Variants in ANKRD28 observed in about 807,000 individuals in gnomAD.
ANKRD28 encodes ankyrin repeat domain 28, also known as serine/threonine-protein phosphatase 6 regulatory ankyrin repeat subunit A.
In ANKRD28, 44 loss-of-function variants were observed where a neutral mutation model predicts 126.5. The observed-to-expected ratio is 0.35, with a 90% CI of 0.27 to 0.45. ANKRD28 has a LOEUF of 0.45. Among genes scored for constraint, ANKRD28 ranks in the 20% least tolerant of loss-of-function variants. The pLI is 1.00. For synonymous variants in ANKRD28, 442 were observed against 468.5 expected (o/e 0.94, Z 0.73); for missense variants, 1,110 against 1,316.6 (o/e 0.84, Z 2.43).
At position 15,670,427 on chromosome 3, in the gene ANKRD28, C is replaced by A; in HGVS notation, c.3095G>T (p.Arg1032Leu). 1 of 1,613,854 alleles carries A rather than the reference C, an allele frequency of 6.2e-7. No individual in the cohort carries two copies. The highest frequency in any genetic ancestry group is 8.5e-7 in the Non-Finnish European group (1 of 1,179,852). The change falls in exon 28 of 28, where the codon CGT becomes CTT. Residue 1032 changes from arginine (R) to leucine (L), a missense_variant. Coordinates refer to ENST00000683139, the MANE Select transcript of ANKRD28 (RefSeq NM_001349278.2). Reference sequence around the variant, plus strand: ...GACTGTTTTTGAGGTGTTGGTATAACGGTTAATGGCATTGAATGTTAAGGA... The same window carrying A: ...GACTGTTTTTGAGGTGTTGGTATAAAGGTTAATGGCATTGAATGTTAAGGA... ...LSSLTFNAIN[R>L]YTNTSKTVSF... is the part of the protein sequence containing the mutation.
At chr3:15,675,459 A>C (rs1202858359) in intron 27 of ANKRD28, among the ~76,000 whole-genome samples, 1 of 152,204 alleles carries the variant, frequency 6.6e-6, no homozygotes, top group Non-Finnish European at 1.5e-5. Context: ...GGAATAATAC[A>C]GGAAGAGAGC....
At chr3:15,686,980 G>A (rs1381188837) in intron 18 of ANKRD28, among the ~76,000 whole-genome samples, 3 of 147,794 alleles carry the variant, frequency 2.0e-5, no homozygotes, top group Admixed American at 6.8e-5. Context: ...ATCTCGCTCT[G>A]TCGCCCAGGC....
Position 15,711,265 on chromosome 3 carries a change from A to C in ANKRD28, c.1283T>G (p.Ile428Arg), listed in dbSNP as rs758225642. 4 of 1,611,320 alleles carry C rather than the reference A, an allele frequency of 2.5e-6. No individual in the cohort carries two copies. The highest frequency in any genetic ancestry group is 3.4e-6 in the Non-Finnish European group (4 of 1,177,870). ...CRKLLSSGFD[I>R]DTPDDFGRTC... ...CCTGCCAAAATCATCTGGGGTATCT[A>C]TATCAAATCCTACAAGAATGAATAC... The change falls in exon 12 of 28, where the codon ATA becomes AGA. Residue 428 changes from isoleucine to arginine, a missense_variant. Physicochemically the swap from Ile to Arg is moderately conservative, Grantham distance 97 (BLOSUM62 -3). Coordinates refer to ENST00000683139, the MANE Select transcript of ANKRD28 (RefSeq NM_001349278.2).
At chr3:15,677,744 T>A (rs2067093572) in intron 24 of ANKRD28, 182 bp from the exon 25 acceptor site, 3 of 462,948 alleles carry the variant, frequency 6.5e-6, no homozygotes, top group Middle Eastern at 5.7e-4. Context: ...GACAATTATA[T>A]TGTTGTATAA....
chr3:15,748,012 C>T (rs575498966), intron 4 of ANKRD28, among the ~76,000 whole-genome samples: 15 of 152,216 alleles, frequency 9.9e-5, no homozygotes, highest in African/African-American at 3.6e-4. Context: ...AAATAGTGAT[C>T]CCTGCTCACA....
rs781514826 is a variant in ANKRD28, at chr3:15,679,477, C to T, written c.2476G>A (p.Val826Met). The change falls in exon 22 of 28, where the codon GTG becomes ATG. Residue 826 changes from valine (V) to methionine (M), a missense_variant and splice_region_variant. By Grantham distance (21) the Val-to-Met change is conservative (BLOSUM62 1). Transcript: ENST00000683139. Reference sequence around the variant, plus strand: ...CTGATTCATTCTGGCTTTACTTACACGGCACAATGCAATGGACTAAAAGCA... The same window carrying T: ...CTGATTCATTCTGGCTTTACTTACATGGCACAATGCAATGGACTAAAAGCA... ...GNAFSPLHCA[V>M]INDNEGAAEM... The T allele has an allele frequency of 1.2e-5, 19 of 1,613,724 alleles. No individual in the cohort carries two copies. Among genetic ancestry groups the T allele is most frequent in the Middle Eastern group, 1.6e-4 (1 of 6,082 alleles).
intron 1 of ANKRD28, among the ~76,000 whole-genome samples, chr3:15,851,027 C>A (rs913461185): frequency 1.3e-5 from 2 of 152,242 alleles, no homozygotes; most frequent in Non-Finnish European, 2.9e-5. Flanking sequence ...TGCTGAAGAA[C>A]TGGTTGCTTC....
chr3:15,723,459 A>T lies in ANKRD28; in HGVS notation c.783+923T>A, dbSNP rs547173103. On this transcript the variant is annotated intron_variant, in intron 7 of 27. Transcript: ENST00000683139. Reference sequence around the variant, plus strand: ...TTCTTCAAAATGTGTGTTTTGAAGAATCAGTGACTTTGTCAGAACTCTCCC... The same window carrying T: ...TTCTTCAAAATGTGTGTTTTGAAGATTCAGTGACTTTGTCAGAACTCTCCC... Among the ~76,000 whole-genome samples, 6 of 152,354 alleles carry T rather than the reference A, an allele frequency of 3.9e-5. No homozygotes were observed. In the East Asian group the frequency reaches 1.2e-3, roughly 29 times the overall value.
chr3:15,858,279 A>G (rs2061818484), intron 1 of ANKRD28, among the ~76,000 whole-genome samples: 2 of 152,234 alleles, frequency 1.3e-5, no homozygotes, highest in South Asian at 4.1e-4. Flanking sequence ...ACTAAACCGT[A>G]GTTTTTCAAA....
chr3:15,857,317 C>T (rs1025481428), intron 1 of ANKRD28, among the ~76,000 whole-genome samples: 2 of 152,184 alleles, frequency 1.3e-5, no homozygotes, highest in African/African-American at 4.8e-5. Context: ...TGGAGTCTCG[C>T]TCTGTCGCCC....
rs1553650167 is a variant in ANKRD28, at chr3:15,850,259, A to AGAGG, written c.27+9117_27+9118insCCTC. 1.3e-3 allele frequency among the ~76,000 whole-genome samples: 147 copies of AGAGG among 115,774 alleles called. 1 individual carries two copies. The highest frequency in any genetic ancestry group is 1.4e-3 in the Non-Finnish European group (81 of 57,608). 76.0% of individuals were successfully genotyped at this position (115,774 alleles called of 152,430 possible). ...GAGAGAGAGAGAGAGAGAGAGAGAGAGAGAAAGTTGAAATCCTACCTCATA... is the reference window on the plus strand; with the variant it reads ...GAGAGAGAGAGAGAGAGAGAGAGAGAGAGGGAGAAAGTTGAAATCCTACCTCATA... On this transcript the variant is annotated intron_variant, in intron 1 of 27. Transcript: ENST00000399451.
At chr3:15,757,800 C>T (rs530099667) in intron 3 of ANKRD28, among the ~76,000 whole-genome samples, 13 of 152,318 alleles carry the variant, frequency 8.5e-5, no homozygotes, top group African/African-American at 2.9e-4. Context: ...AGGACTAAGA[C>T]ACCTCACTCT....
Position 15,670,257 on chromosome 3 carries a change from C to T in ANKRD28, c.*13G>A, listed in dbSNP as rs2066210746. On this transcript the variant is annotated 3_prime_UTR_variant, in exon 28 of 28. Coordinates refer to ENST00000683139, the MANE Select transcript of ANKRD28 (RefSeq NM_001349278.2). Reference sequence around the variant, plus strand: ...TGAAGCTTTACTGTGAGAACTCCCTCCTCCTCAGCCTCTCAGTAGGTCTCA... The same window carrying T: ...TGAAGCTTTACTGTGAGAACTCCCTTCTCCTCAGCCTCTCAGTAGGTCTCA... The T allele has an allele frequency of 6.2e-7, 1 of 1,608,362 alleles. No homozygotes were observed. Among genetic ancestry groups the T allele is most frequent in the Non-Finnish European group, 8.5e-7 (1 of 1,175,340 alleles).
chr3:15,797,205 A>AC lies in ANKRD28; in HGVS notation c.-685_-684insG. ...GTGTTTGGGAAAGGGGCAAAAAACA[A>AC]AAACAAAAAAAAAAAAACCACTCTG... On this transcript the variant is annotated 5_prime_UTR_variant, in exon 1 of 28. An upstream open reading frame in the 5' UTR loses its in-frame stop. Coordinates refer to ENST00000683139, the MANE Select transcript of ANKRD28 (RefSeq NM_001349278.2). 2 of 941,838 alleles carry AC rather than the reference A, an allele frequency of 2.1e-6. No individual in the cohort carries two copies. Among genetic ancestry groups the AC allele is most frequent in the Non-Finnish European group, 2.5e-6 (2 of 811,192 alleles). 58.3% of individuals were successfully genotyped at this position (941,838 alleles called of 1,614,324 possible).
chr3:15,766,382 C>T, intron 2 of ANKRD28, 70 bp from the exon 3 acceptor site: 1 of 1,108,248 alleles, frequency 9.0e-7, no homozygotes, highest in East Asian at 2.6e-5. Context: ...TTTTAATAAC[C>T]ACAACAACAA....
rs1010363316 is a variant in ANKRD28, at chr3:15,766,789, A to C, written c.202-477T>G. 6.9e-4 allele frequency among the ~76,000 whole-genome samples: 105 copies of C among 152,262 alleles called. 9 individuals carry two copies. Among genetic ancestry groups the C allele is most frequent in the Non-Finnish European group, 7.3e-5 (5 of 68,046 alleles). On this transcript the variant is annotated intron_variant, in intron 2 of 27. Coordinates refer to ENST00000683139, the MANE Select transcript of ANKRD28 (RefSeq NM_001349278.2). ...GTATAAAGTCCAGCAAAGAATAAAA[A>C]TAAAAATCTAAAATGACAAAGAAAT... is the stretch of plus-strand genomic sequence containing the variant.
chr3:15,767,566 A>T (rs889216722), intron 2 of ANKRD28, among the ~76,000 whole-genome samples: 7 of 151,998 alleles, frequency 4.6e-5, no homozygotes, highest in African/African-American at 1.7e-4. Context: ...TCAACTTAAA[A>T]GACAACTACT....
Position 15,843,101 on chromosome 3 carries a change from T to C in ANKRD28, c.27+16276A>G, listed in dbSNP as rs2061457744. Among the ~76,000 whole-genome samples the C allele has an allele frequency of 6.6e-6, 1 of 152,308 alleles. No homozygotes were observed. Among genetic ancestry groups the C allele is most frequent in the Admixed American group, 6.5e-5 (1 of 15,298 alleles). On this transcript the variant is annotated intron_variant, in intron 1 of 27. Coordinates refer to the ANKRD28 transcript ENST00000399451. This position sits in a 1 kb window ranked among gnomAD's most constrained non-coding sequence, Gnocchi z 5.2. Reference sequence around the variant, plus strand: ...GCAGGCTATACAGGAATCATAGTGGTATCTGCTTCCAGGGAGGCCTCAAGA... The same window carrying C: ...GCAGGCTATACAGGAATCATAGTGGCATCTGCTTCCAGGGAGGCCTCAAGA...
At chr3:15,737,558 T>A (rs2075111649) in intron 4 of ANKRD28, among the ~76,000 whole-genome samples, 1 of 152,172 alleles carries the variant, frequency 6.6e-6, no homozygotes, top group Non-Finnish European at 1.5e-5. Flanking sequence ...TCAAATTCCT[T>A]GGCTTAAGTG....
Sources: allele counts gnomAD v4.1 joint callset (sites outside exome capture counted in the v4.1 genomes callset), GRCh38; gene constraint gnomAD v4.1.1; non-coding constraint Gnocchi (gnomAD v3.1); transcripts MANE v1.5; gene names NCBI Gene and HGNC (gene_info 2026-07-23, HGNC 2026-07-21).